Variants in FBXL2 observed in about 807,000 individuals in gnomAD.
FBXL2 encodes F-box/LRR-repeat protein 2.
FBXL2 carries 38 observed loss-of-function variants against 69.2 expected under a neutral mutation model. The observed-to-expected ratio is 0.55, with a 90% confidence interval of 0.42 to 0.72. The LOEUF (loss-of-function observed/expected upper bound fraction) is 0.72, where lower values mean the gene tolerates loss of function less well. Among genes scored for constraint, FBXL2 ranks in the 30% least tolerant of loss-of-function variants. The pLI is 0.00. For synonymous variants in FBXL2, 192 were observed against 201.3 expected (o/e 0.95, Z 0.39); for missense variants, 354 against 520.3 (o/e 0.68, Z 3.11).
intron 2 of FBXL2, among the ~76,000 whole-genome samples, chr3:33,325,103 T>C (rs1170913083): frequency 6.6e-6 from 1 of 152,160 alleles, no homozygotes; most frequent in Non-Finnish European, 1.5e-5. Context: ...AGCTCTCTGT[T>C]TGTCTGTTAT....
chr3:33,304,121 A>G (rs2036517109), intron 2 of FBXL2, among the ~76,000 whole-genome samples: 1 of 152,078 alleles, frequency 6.6e-6, no homozygotes, highest in Admixed American at 6.6e-5. Context: ...TATATACAGG[A>G]TGATTACTGC....
At chr3:33,299,026 A>AC (rs2036011389) in intron 2 of FBXL2, among the ~76,000 whole-genome samples, 1 of 73,590 alleles carries the variant, frequency 1.4e-5, no homozygotes, top group South Asian at 4.5e-4. Flanking sequence ...TATTTTTTTA[A>AC]TTTTATTTAT....
intron 1 of FBXL2, 99 bp downstream of exon 1, chr3:33,277,614 G>T (rs542018089): frequency 1.7e-6 from 2 of 1,189,128 alleles, no homozygotes; most frequent in South Asian, 4.2e-5. Context: ...GCGGCGCAGG[G>T]GTCGTGGAGA....
chr3:33,333,145 C>G (rs1047998884), intron 2 of FBXL2, among the ~76,000 whole-genome samples: 3 of 151,822 alleles, frequency 2.0e-5, no homozygotes, highest in African/African-American at 7.3e-5. Flanking sequence ...TCTTTTGGGG[C>G]AATGAAAATA....
chr3:33,400,885 T>C (rs994186647), intron 12 of FBXL2: 10 of 1,399,850 alleles, frequency 7.1e-6, no homozygotes, highest in Non-Finnish European at 9.8e-6. Flanking sequence ...ACCTACTCCA[T>C]ACATTTGCAC....
Position 33,383,074 on chromosome 3 carries a change from A to G in FBXL2, c.952-915A>G, listed in dbSNP as rs2043168945. 3 of 152,336 alleles carry G rather than the reference A, an allele frequency of 2.0e-5. No individual in the cohort carries two copies. The South Asian group carries it at 6.2e-4, about 32-fold the overall frequency. 9.4% of individuals were successfully genotyped at this position (152,336 alleles called of 1,614,324 possible). A position where few individuals can be genotyped will look rare whatever the true frequency, so the allele number is the denominator to read the frequency against. Reference sequence around the variant, plus strand: ...TCTGTTCCCCAGGACAAATCCTGCTATCATATGCTCTCAAAGCACCTCAGC... The same window carrying G: ...TCTGTTCCCCAGGACAAATCCTGCTGTCATATGCTCTCAAAGCACCTCAGC... On this transcript the variant is annotated intron_variant, in intron 13 of 14. Transcript: ENST00000484457.
rs61556987 is a variant in FBXL2 at position 33,299,027 on chromosome 3, T to TTTTATTTA, written c.65+1322_65+1329dup. Reference sequence around the variant, plus strand: ...CAATGGAATCCTTTTATTTTTTTAATTTTATTTATTTATTTATTTATTTAT... The same window carrying TTTTATTTA: ...CAATGGAATCCTTTTATTTTTTTAATTTTATTTATTTATTTATTTATTTATTTATTTAT... On this transcript the variant is annotated intron_variant, in intron 2 of 14. Transcript: ENST00000484457. Among the ~76,000 whole-genome samples, 515 of 146,140 alleles carry TTTTATTTA rather than the reference T, an allele frequency of 3.5e-3. 6 individuals carry two copies. The highest frequency in any genetic ancestry group is 0.01 in the African/African-American group (387 of 38,560).
At chr3:33,406,372 G>T (rs2044427956), downstream of FBXL2, among the ~76,000 whole-genome samples, 2 of 152,222 alleles carry the variant, frequency 1.3e-5, no homozygotes, top group South Asian at 4.1e-4. Flanking sequence ...TCTAATCATG[G>T]GTATCACACA....
chr3:33,400,377 A>C (rs2044178606), intron 12 of FBXL2: 1 of 936,988 alleles, frequency 1.1e-6, no homozygotes, highest in Non-Finnish European at 1.6e-6. Flanking sequence ...GAAGTAAAAA[A>C]CACCCAAAAA....
chr3:33,295,003 G>T (rs2035606992), intron 1 of FBXL2, among the ~76,000 whole-genome samples: 1 of 152,070 alleles, frequency 6.6e-6, no homozygotes, highest in South Asian at 2.1e-4. Flanking sequence ...ATTCATCATT[G>T]ACACTACTTT....
chr3:33,349,215 T>G (rs982373065), intron 2 of FBXL2, among the ~76,000 whole-genome samples: 2 of 152,202 alleles, frequency 1.3e-5, no homozygotes, highest in African/African-American at 4.8e-5. Context: ...TTTTTCTGCA[T>G]TCAGTATGAT....
the FBXL2 span, among the ~76,000 whole-genome samples, chr3:33,413,866 G>A: frequency 6.6e-6 from 1 of 152,154 alleles, no homozygotes; most frequent in East Asian, 1.9e-4. Context: ...CATAGTGATG[G>A]TGCATAGGCT....
In FBXL2 at chr3:33,385,737, C is replaced by G; in HGVS notation, c.*129C>G. On this transcript the variant is annotated 3_prime_UTR_variant, in exon 15 of 15. Coordinates refer to ENST00000484457, the MANE Select transcript of FBXL2 (RefSeq NM_012157.5). ...GGGAAAGGCATTTACAGGTAAAAGA[C>G]TTCTGTATGGATTGCAGTTACTCTG... 2 of 709,184 alleles carry G rather than the reference C, an allele frequency of 2.8e-6. No individual in the cohort carries two copies. The highest frequency in any genetic ancestry group is 3.5e-5 in the South Asian group (2 of 57,914). 43.9% of individuals were successfully genotyped at this position (709,184 alleles called of 1,614,324 possible). A position where few individuals can be genotyped will look rare whatever the true frequency, so the allele number is the denominator to read the frequency against.
chr3:33,346,464 CAGG>C (rs1164874800), intron 2 of FBXL2, among the ~76,000 whole-genome samples: 1 of 151,834 alleles, frequency 6.6e-6, no homozygotes, highest in Non-Finnish European at 1.5e-5. Context: ...CCTAACTACT[CAGG>C]AGGATCCCTT....
At chr3:33,368,563 A>G (rs551461122) in intron 5 of FBXL2, among the ~76,000 whole-genome samples, 1 of 152,046 alleles carries the variant, frequency 6.6e-6, no homozygotes, top group South Asian at 2.1e-4. Flanking sequence ...TTGTATCTAT[A>G]TTTAAAGTTG....
rs561070289 is a variant in FBXL2 at position 33,320,479 on chromosome 3, G to C, written c.65+22754G>C. ...GAGGCTATGATCTTGGGGTAGGAAA[G>C]CATTTCTTTTTTTTTTTTTTTAGAC... is the stretch of plus-strand genomic sequence containing the variant. On this transcript the variant is annotated intron_variant, in intron 2 of 14. Coordinates refer to ENST00000484457, the MANE Select transcript of FBXL2 (RefSeq NM_012157.5). Among the ~76,000 whole-genome samples, 11 of 151,612 alleles carry C rather than the reference G, an allele frequency of 7.3e-5. 1 individual carries two copies. In the South Asian group the frequency reaches 2.3e-3, roughly 32 times the overall value.
intron 1 of FBXL2, among the ~76,000 whole-genome samples, chr3:33,295,645 T>G (rs1018861032): frequency 1.8e-4 from 28 of 152,344 alleles, no homozygotes; most frequent in African/African-American, 6.5e-4. Context: ...CTTTTTAACC[T>G]TTGAGGAACT....
chr3:33,285,932 AT>A (rs1393971884), intron 1 of FBXL2, among the ~76,000 whole-genome samples: 1 of 152,108 alleles, frequency 6.6e-6, no homozygotes, highest in Non-Finnish European at 1.5e-5. Flanking sequence ...CTAGTTTGCC[AT>A]TCGTCTAATC....
chr3:33,307,262 C>A (rs1406684408), intron 2 of FBXL2, among the ~76,000 whole-genome samples: 1 of 152,130 alleles, frequency 6.6e-6, no homozygotes, highest in Non-Finnish European at 1.5e-5. Flanking sequence ...GCATTCCTGA[C>A]AAAAATTTAT....
Sources: allele counts gnomAD v4.1 joint callset (sites outside exome capture counted in the v4.1 genomes callset), GRCh38; gene constraint gnomAD v4.1.1; transcripts MANE v1.5; gene names NCBI Gene and HGNC (gene_info 2026-07-23, HGNC 2026-07-21).